LRRC37A2: variants seen among roughly 807,000 people sequenced by gnomAD.
LRRC37A2 encodes the protein leucine-rich repeat-containing protein 37A2.
LRRC37A2 carries 9 observed loss-of-function variants against 68.8 expected under a neutral mutation model. The observed-to-expected ratio is 0.13, with a 90% CI of 0.08 to 0.23. The LOEUF (loss-of-function observed/expected upper bound fraction) is 0.23, where lower values mean the gene tolerates loss of function less well. Among genes scored for constraint, LRRC37A2 ranks in the 10% least tolerant of loss-of-function variants. LRRC37A2 has a pLI of 1.00. For synonymous variants in LRRC37A2, 63 were observed against 367.6 expected (o/e 0.17, Z 9.48); for missense variants, 168 against 950.4 (o/e 0.18, Z 10.82).
chr17:46,727,341 G>T, the LRRC37A2 span, among the ~76,000 whole-genome samples: 2 of 152,162 alleles, frequency 1.3e-5, no homozygotes, highest in Non-Finnish European at 2.9e-5. Flanking sequence ...AATTAAATCA[G>T]TCTGACATAA....
At chr17:46,907,470 G>A in the LRRC37A2 span, among the ~76,000 whole-genome samples, 6 of 151,772 alleles carry the variant, frequency 4.0e-5, no homozygotes, top group Non-Finnish European at 5.9e-5. Flanking sequence ...TCTTACCTGA[G>A]CATCTCCTCT....
the LRRC37A2 span, among the ~76,000 whole-genome samples, chr17:46,911,080 T>C: frequency 3.9e-5 from 6 of 152,358 alleles, no homozygotes; most frequent in East Asian, 1.2e-3. Flanking sequence ...TGACAATCAC[T>C]GTGACAATAA....
At chr17:46,876,183 G>A in the LRRC37A2 span, 1 of 1,472,800 alleles carries the variant, frequency 6.8e-7, no homozygotes, top group Non-Finnish European at 9.1e-7. Context: ...GGTGCTCTGG[G>A]GGCAGGCTCT....
At chr17:46,895,355 C>A in the LRRC37A2 span, among the ~76,000 whole-genome samples, 1 of 152,242 alleles carries the variant, frequency 6.6e-6, no homozygotes, top group Non-Finnish European at 1.5e-5. Flanking sequence ...CATGCAGGCT[C>A]AGGAGCTGGG....
chr17:46,708,843 T>G, the LRRC37A2 span, among the ~76,000 whole-genome samples: 1 of 107,908 alleles, frequency 9.3e-6, no homozygotes, highest in South Asian at 3.3e-4. Flanking sequence ...TTTTTTTTTT[T>G]GAGACTGAGT....
chr17:46,939,447 C>G, the LRRC37A2 span: 3 of 988,648 alleles, frequency 3.0e-6, no homozygotes, highest in Non-Finnish European at 3.6e-6. Context: ...AGTGTTCAGT[C>G]TTGACCCTAG....
the LRRC37A2 span, among the ~76,000 whole-genome samples, chr17:46,853,706 T>C: frequency 1.3e-5 from 2 of 152,142 alleles, no homozygotes; most frequent in Non-Finnish European, 2.9e-5. Flanking sequence ...AGAATCTTGA[T>C]GTCCTGGCCC....
chr17:46,733,261 G>A, the LRRC37A2 span, among the ~76,000 whole-genome samples: 3 of 152,168 alleles, frequency 2.0e-5, no homozygotes, highest in Non-Finnish European at 4.4e-5. Context: ...AGGAGGAAGC[G>A]GTAGTGAGTG....
At chr17:47,030,086 A>T in the LRRC37A2 span, among the ~76,000 whole-genome samples, 1 of 39,214 alleles carries the variant, frequency 2.6e-5, no homozygotes, top group Non-Finnish European at 5.5e-5. Context: ...AATAATAATA[A>T]TAATCATCAT....
At chr17:46,976,191 G>C in the LRRC37A2 span, among the ~76,000 whole-genome samples, 1 of 150,916 alleles carries the variant, frequency 6.6e-6, no homozygotes, top group Non-Finnish European at 1.5e-5. Flanking sequence ...CTCCCAAAGT[G>C]CTGGGATTAC....
At chr17:46,840,012 TTTCTTTC>T in the LRRC37A2 span, among the ~76,000 whole-genome samples, 1 of 96,674 alleles carries the variant, frequency 1.0e-5, no homozygotes, top group South Asian at 5.3e-4. Context: ...TCTTTCTTTC[TTTCTTTC>T]TTTCTTTCTT....
At chr17:46,807,887 A>T in the LRRC37A2 span, among the ~76,000 whole-genome samples, 1 of 152,212 alleles carries the variant, frequency 6.6e-6, no homozygotes, top group Non-Finnish European at 1.5e-5. Context: ...CTTTATCAGA[A>T]AGGAGAAAGC....
At chr17:46,860,557 A>G in the LRRC37A2 span, among the ~76,000 whole-genome samples, 3 of 152,262 alleles carry the variant, frequency 2.0e-5, no homozygotes, top group Non-Finnish European at 4.4e-5. Context: ...AAAATGGGAT[A>G]ATCTTGATCT....
At chr17:46,863,834 C>A in the LRRC37A2 span, among the ~76,000 whole-genome samples, 1 of 152,118 alleles carries the variant, frequency 6.6e-6, no homozygotes, top group Non-Finnish European at 1.5e-5. Flanking sequence ...GTTCTATTCC[C>A]AAGGGAGCCG....
the LRRC37A2 span, among the ~76,000 whole-genome samples, chr17:46,748,421 A>AT: frequency 2.0e-5 from 3 of 152,122 alleles, no homozygotes; most frequent in African/African-American, 7.2e-5. Context: ...CTCTAACCTT[A>AT]TTTTTTACAA....
chr17:46,987,102 G>T, the LRRC37A2 span, among the ~76,000 whole-genome samples: 7 of 152,238 alleles, frequency 4.6e-5, no homozygotes, highest in South Asian at 1.5e-3. Context: ...AATTAGCCAA[G>T]CGTGGTGGTG....
chr17:46,473,999 G>A, the LRRC37A2 span, among the ~76,000 whole-genome samples: 2 of 108,374 alleles, frequency 1.8e-5, no homozygotes, highest in Admixed American at 1.8e-4. Context: ...TTTATTATCC[G>A]TATGTTGTCA....
chr17:46,716,611 G>C, the LRRC37A2 span, among the ~76,000 whole-genome samples: 1 of 152,062 alleles, frequency 6.6e-6, no homozygotes, highest in African/African-American at 2.4e-5. Flanking sequence ...TTTTTTTTCA[G>C]AGCACAAATA....
the LRRC37A2 span, among the ~76,000 whole-genome samples, chr17:46,897,275 A>G: frequency 7.9e-5 from 12 of 152,274 alleles, no homozygotes; most frequent in South Asian, 1.7e-3. Context: ...AGTAATGCCC[A>G]GGATCACCAG....
Sources: gnomAD v4.1 joint callset for allele counts (sites outside exome capture counted in the v4.1 genomes callset) on GRCh38, gnomAD v4.1.1 for gene constraint, MANE v1.5 for transcripts, NCBI Gene and HGNC (gene_info 2026-07-23, HGNC 2026-07-21) for gene names.